The following CDYL2 variants were observed in gnomAD, a reference collection of about 807,000 sequenced individuals.
CDYL2 encodes the protein chromodomain Y like 2.
In CDYL2, 23 loss-of-function variants were observed where a neutral mutation model predicts 49.4. The ratio of observed to expected loss-of-function variants is 0.47; its 90% CI spans 0.34 to 0.66. CDYL2 has a LOEUF of 0.66. Among genes scored for constraint, CDYL2 ranks in the 30% least tolerant of loss-of-function variants. CDYL2 has a pLI of 0.01. For synonymous variants in CDYL2, 360 were observed against 268.8 expected (o/e 1.34, Z -3.32); for missense variants, 678 against 656.4 (o/e 1.03, Z -0.36).
intron 2 of CDYL2, among the ~76,000 whole-genome samples, chr16:80,675,010 G>C (rs1038469971): frequency 6.6e-6 from 1 of 151,534 alleles, no homozygotes. Context: ...ATGCATACAT[G>C]TGTGTGTGTT....
chr16:80,689,083 T>TGAATGAAG (rs1910310855), intron 1 of CDYL2, among the ~76,000 whole-genome samples: 1 of 152,198 alleles, frequency 6.6e-6, no homozygotes, highest in African/African-American at 2.4e-5. Flanking sequence ...AATGAATGAA[T>TGAATGAAG]GAATGAATGA....
intron 1 of CDYL2, among the ~76,000 whole-genome samples, chr16:80,737,253 C>T (rs1188414817): frequency 6.6e-6 from 1 of 152,152 alleles, no homozygotes; most frequent in Admixed American, 6.5e-5. Flanking sequence ...AACACTTTTG[C>T]AGAGGATGGA....
chr16:80,624,520 C>T (rs1190690163), intron 3 of CDYL2, among the ~76,000 whole-genome samples: 2 of 152,090 alleles, frequency 1.3e-5, no homozygotes, highest in Non-Finnish European at 1.5e-5. Flanking sequence ...AAGCTGCAAC[C>T]CAGACCGCAT....
At chr16:80,738,233 A>G (rs879173366) in intron 1 of CDYL2, among the ~76,000 whole-genome samples, 2 of 152,142 alleles carry the variant, frequency 1.3e-5, no homozygotes, top group African/African-American at 4.8e-5. Flanking sequence ...TCCATGGTGT[A>G]TATGTGCCAC....
At chr16:80,800,763 C>T (rs1161296032) in intron 1 of CDYL2, among the ~76,000 whole-genome samples, 1 of 152,114 alleles carries the variant, frequency 6.6e-6, no homozygotes, top group African/African-American at 2.4e-5. Flanking sequence ...CTTCTGCTCA[C>T]TGATTCAGTC....
intron 6 of CDYL2, among the ~76,000 whole-genome samples, chr16:80,607,051 A>G (rs1309562745): frequency 6.6e-6 from 1 of 152,200 alleles, no homozygotes; most frequent in African/African-American, 2.4e-5. Context: ...ACACCAGGAG[A>G]GTCCCAGACA....
At chr16:80,715,094 G>GT (rs1166805625) in intron 1 of CDYL2, among the ~76,000 whole-genome samples, 83 of 152,242 alleles carry the variant, frequency 5.5e-4, no homozygotes, top group African/African-American at 1.8e-3. Context: ...AGCAACTGGA[G>GT]ATGAGATCAA....
rs139606492 is a variant in CDYL2 at position 80,793,815 on chromosome 16, C to T, written c.24+10335G>A. Among the ~76,000 whole-genome samples the T allele has an allele frequency of 3.9e-5, 6 of 152,274 alleles. No homozygotes were observed. In the East Asian group the frequency reaches 1.2e-3, roughly 29 times the overall value. On this transcript the variant is annotated intron_variant, in intron 1 of 6. Coordinates refer to ENST00000570137, the MANE Select transcript of CDYL2 (RefSeq NM_152342.4). ...AGCTTATGATACTTCCTTATCACTA[C>T]ATTAACTTCCGAGAATAATAAAGCC...
At chr16:80,606,287 C>T (rs533238883) in intron 6 of CDYL2, among the ~76,000 whole-genome samples, 5 of 152,208 alleles carry the variant, frequency 3.3e-5, no homozygotes, top group Non-Finnish European at 2.9e-5. Context: ...CTTGGGAAAC[C>T]CCCCCAGCAT....
At chr16:80,639,212 G>A (rs151061535) in intron 2 of CDYL2, among the ~76,000 whole-genome samples, 1 of 152,294 alleles carries the variant, frequency 6.6e-6, no homozygotes, top group African/African-American at 2.4e-5. Flanking sequence ...AATAGCTGGA[G>A]AGGATGCCGA....
intron 2 of CDYL2, among the ~76,000 whole-genome samples, chr16:80,679,244 C>T (rs1909878013): frequency 1.3e-5 from 2 of 151,080 alleles, no homozygotes; most frequent in Admixed American, 6.6e-5. Context: ...CACATGTACC[C>T]TAAAACTTAA....
intron 1 of CDYL2, among the ~76,000 whole-genome samples, chr16:80,777,788 G>A (rs1472896790): frequency 1.3e-5 from 2 of 151,942 alleles, no homozygotes; most frequent in African/African-American, 2.4e-5. Flanking sequence ...TAGTTGACAT[G>A]TTACATAAGC....
chr16:80,734,300 A>G (rs1225730671), intron 1 of CDYL2, among the ~76,000 whole-genome samples: 1 of 152,206 alleles, frequency 6.6e-6, no homozygotes, highest in East Asian at 1.9e-4. Context: ...TAGCCACGCT[A>G]CATGGAGTAG....
intron 4 of CDYL2, among the ~76,000 whole-genome samples, chr16:80,615,591 C>G (rs1454583324): frequency 6.6e-6 from 1 of 152,158 alleles, no homozygotes. Context: ...ACTGTTGCCA[C>G]CTCAGCTCCA....
At chr16:80,712,690 C>T (rs1346352930) in intron 1 of CDYL2, among the ~76,000 whole-genome samples, 1 of 152,122 alleles carries the variant, frequency 6.6e-6, no homozygotes, top group Admixed American at 6.5e-5. Context: ...ATGGGTAACA[C>T]AGCCCTAAGC....
At chr16:80,635,108 G>A (rs759995221) in intron 2 of CDYL2, among the ~76,000 whole-genome samples, 25 of 152,124 alleles carry the variant, frequency 1.6e-4, no homozygotes, top group Non-Finnish European at 7.4e-5. Context: ...ATGTATAAAG[G>A]GAATTATACG....
chr16:80,701,721 C>T (rs1417001680), intron 1 of CDYL2, among the ~76,000 whole-genome samples: 1 of 152,196 alleles, frequency 6.6e-6, no homozygotes, highest in Non-Finnish European at 1.5e-5. Flanking sequence ...TGGTTTGCAA[C>T]AAACTGATCG....
At chr16:80,801,514 T>TAATG (rs1907926001) in intron 1 of CDYL2, among the ~76,000 whole-genome samples, 1 of 152,252 alleles carries the variant, frequency 6.6e-6, no homozygotes, top group Non-Finnish European at 1.5e-5. Flanking sequence ...GGCTCAAAGA[T>TAATG]AATGTCAGCA....
At chr16:80,712,183 C>G (rs1376460034) in intron 1 of CDYL2, among the ~76,000 whole-genome samples, 10 of 27,594 alleles carry the variant, frequency 3.6e-4, no homozygotes, top group African/African-American at 5.0e-4. Flanking sequence ...GTCTTTGTGT[C>G]TGTGTGTGTA....
Sources: gnomAD v4.1 joint callset for allele counts (sites outside exome capture counted in the v4.1 genomes callset) on GRCh38, gnomAD v4.1.1 for gene constraint, MANE v1.5 for transcripts, NCBI Gene and HGNC (gene_info 2026-07-23, HGNC 2026-07-21) for gene names.